Variants in PTPRD observed in about 807,000 individuals in gnomAD.
PTPRD encodes protein tyrosine phosphatase receptor type D.
In PTPRD, 34 loss-of-function variants were observed where a neutral mutation model predicts 214.5. The observed-to-expected ratio is 0.16, with a 90% CI of 0.12 to 0.21. The LOEUF (loss-of-function observed/expected upper bound fraction) is 0.21. PTPRD is among the 10% of genes least tolerant of loss of function. The pLI is 1.00. For synonymous variants in PTPRD, 1,128 were observed against 845.7 expected, an observed-to-expected ratio of 1.33 and a Z score of -5.79; for missense variants, 2,545 against 2,398.7, an observed-to-expected ratio of 1.06 and a Z score of -1.27.
chr9:9,757,364 T>A (rs1027654712), intron 6 of PTPRD, among the ~76,000 whole-genome samples: 1 of 152,142 alleles, frequency 6.6e-6, no homozygotes, highest in Middle Eastern at 3.2e-3. Flanking sequence ...TCTGCAATTT[T>A]TAACACAGCA....
rs145639055 is a variant in PTPRD, at chr9:8,475,841, T to C, written c.3414-4756A>G. ...CTGCCACTCTTCTGGCCTCATTCCATGTCTTATGCCCAGACTGTGACCTTA... is the reference window on the plus strand; with the variant it reads ...CTGCCACTCTTCTGGCCTCATTCCACGTCTTATGCCCAGACTGTGACCTTA... On this transcript the variant is annotated intron_variant, in intron 30 of 45. Transcript: ENST00000381196. Among the ~76,000 whole-genome samples the C allele has an allele frequency of 1.4e-3, 215 of 152,318 alleles. 1 individual carries two copies. Among genetic ancestry groups the C allele is most frequent in the African/African-American group, 5.1e-3 (211 of 41,584 alleles).
At chr9:8,940,485 G>T (rs1430421683) in intron 11 of PTPRD, among the ~76,000 whole-genome samples, 3 of 124,934 alleles carry the variant, frequency 2.4e-5, no homozygotes, top group African/African-American at 8.9e-5. Flanking sequence ...TAGAGACAGG[G>T]TTTCACCATG....
intron 2 of PTPRD, among the ~76,000 whole-genome samples, chr9:10,527,223 T>C (rs1006008158): frequency 6.6e-6 from 1 of 152,112 alleles, no homozygotes; most frequent in Non-Finnish European, 1.5e-5. Flanking sequence ...AACAGATAAA[T>C]ATGCTCGCAA....
chr9:8,515,298 A>C (rs1203142404), intron 21 of PTPRD, among the ~76,000 whole-genome samples: 1 of 152,236 alleles, frequency 6.6e-6, no homozygotes, highest in Non-Finnish European at 1.5e-5. Context: ...GAATAAATAC[A>C]TGCAAAGTTC....
chr9:10,490,209 C>A (rs1346834225), intron 2 of PTPRD, among the ~76,000 whole-genome samples: 1 of 152,064 alleles, frequency 6.6e-6, no homozygotes, highest in Non-Finnish European at 1.5e-5. Context: ...AATTGGTAGA[C>A]AGGAGAAAAT....
intron 14 of PTPRD, among the ~76,000 whole-genome samples, chr9:8,556,133 T>TA (rs1252226579): frequency 2.0e-5 from 3 of 152,238 alleles, no homozygotes; most frequent in Non-Finnish European, 4.4e-5. Flanking sequence ...CTGTCATTCT[T>TA]ACACTACTCT....
chr9:8,784,114 G>T (rs899992129), intron 11 of PTPRD, among the ~76,000 whole-genome samples: 1 of 152,088 alleles, frequency 6.6e-6, no homozygotes, highest in Admixed American at 6.5e-5. Context: ...TCACATTACA[G>T]TATTTATTGA....
chr9:8,552,883 G>A (rs2082526560), intron 14 of PTPRD, among the ~76,000 whole-genome samples: 1 of 152,170 alleles, frequency 6.6e-6, no homozygotes, highest in South Asian at 2.1e-4. Context: ...CCCCACGACT[G>A]CCGCTGTGTG....
chr9:10,559,021 A>G (rs2063242795), intron 2 of PTPRD, among the ~76,000 whole-genome samples: 1 of 152,182 alleles, frequency 6.6e-6, no homozygotes, highest in Admixed American at 6.6e-5. Flanking sequence ...GGAGGTTTCC[A>G]CATCCGGAGG....
intron 39 of PTPRD, among the ~76,000 whole-genome samples, chr9:8,343,573 C>T (rs896352902): frequency 6.6e-6 from 1 of 151,966 alleles, no homozygotes; most frequent in African/African-American, 2.4e-5. Context: ...GGCGAGTTTT[C>T]CCTGACATTC....
chr9:10,095,826 G>T (rs1350731213), intron 3 of PTPRD, among the ~76,000 whole-genome samples: 1 of 151,460 alleles, frequency 6.6e-6, no homozygotes, highest in African/African-American at 2.4e-5. Context: ...GATTTAAACT[G>T]CCATTATCTC....
chr9:10,080,302 G>T (rs1408510524), intron 3 of PTPRD, among the ~76,000 whole-genome samples: 4 of 152,008 alleles, frequency 2.6e-5, no homozygotes, highest in African/African-American at 9.7e-5. Flanking sequence ...TAGAAATAAT[G>T]ACAATTTCAC....
intron 2 of PTPRD, among the ~76,000 whole-genome samples, chr9:10,553,921 G>A (rs2061902177): frequency 2.0e-5 from 3 of 152,062 alleles, no homozygotes; most frequent in Non-Finnish European, 2.9e-5. Context: ...TTACATTTTG[G>A]TAAACTCAGT....
At chr9:10,265,543 G>T (rs1002049222) in intron 3 of PTPRD, among the ~76,000 whole-genome samples, 1 of 152,002 alleles carries the variant, frequency 6.6e-6, no homozygotes, top group African/African-American at 2.4e-5. Context: ...CTCTGTAAAG[G>T]GCCAGATAGT....
At chr9:10,311,173 A>C (rs900250190) in intron 3 of PTPRD, among the ~76,000 whole-genome samples, 9 of 151,932 alleles carry the variant, frequency 5.9e-5, no homozygotes, top group African/African-American at 1.9e-4. Flanking sequence ...CTAGGGAAAA[A>C]ACCTAGGAAG....
intron 7 of PTPRD, among the ~76,000 whole-genome samples, chr9:9,591,467 G>A (rs1221870208): frequency 1.3e-5 from 2 of 152,030 alleles, no homozygotes; most frequent in African/African-American, 4.8e-5. Context: ...GGCCTTGTGA[G>A]AATTTAAGCA....
intron 5 of PTPRD, among the ~76,000 whole-genome samples, chr9:9,848,577 G>C (rs182682135): frequency 6.7e-4 from 102 of 152,178 alleles, no homozygotes; most frequent in Non-Finnish European, 1.2e-3. Flanking sequence ...TTAAGTGGTA[G>C]ATCCAAGCTT....
intron 3 of PTPRD, among the ~76,000 whole-genome samples, chr9:10,234,986 G>C (rs554395674): frequency 6.7e-6 from 1 of 149,876 alleles, no homozygotes; most frequent in African/African-American, 2.4e-5. Flanking sequence ...ATTATTATGT[G>C]TGTGTTTATA....
intron 11 of PTPRD, among the ~76,000 whole-genome samples, chr9:8,991,270 C>G (rs1357387698): frequency 1.3e-5 from 2 of 150,502 alleles, no homozygotes; most frequent in Non-Finnish European, 3.0e-5. Context: ...GTCATTTGAT[C>G]TTCATCCTGA....
Sources: gnomAD v4.1 joint callset for allele counts (sites outside exome capture counted in the v4.1 genomes callset) on GRCh38, gnomAD v4.1.1 for gene constraint, MANE v1.5 for transcripts, NCBI Gene and HGNC (gene_info 2026-07-23, HGNC 2026-07-21) for gene names.